The following NDST3 variants were observed in gnomAD, a reference collection of about 807,000 sequenced individuals.
The protein encoded by NDST3 is N-deacetylase and N-sulfotransferase 3, also known as bifunctional heparan sulfate N-deacetylase/N-sulfotransferase 3.
A neutral mutation model predicts 96.1 loss-of-function variants in NDST3; 58 were observed. The ratio of observed to expected loss-of-function variants is 0.60; its 90% CI spans 0.49 to 0.75. NDST3 has a LOEUF of 0.75. Among genes scored for constraint, NDST3 ranks in the 30% least tolerant of loss-of-function variants. NDST3 has a pLI of 0.00. For missense variants in NDST3, 788 were observed against 1,034.2 expected (o/e 0.76, Z 3.27); for synonymous variants, 333 against 359.7 (o/e 0.93, Z 0.84).
chr4:118,190,090 T>G (rs1420494034), intron 6 of NDST3, among the ~76,000 whole-genome samples: 1 of 152,028 alleles, frequency 6.6e-6, no homozygotes, highest in African/African-American at 2.4e-5. Context: ...TATCTTGCTT[T>G]TGTTTATACA....
chr4:118,104,993 A>G, intron 2 of NDST3, 25 bp from the exon 3 acceptor site: 1 of 1,596,930 alleles, frequency 6.3e-7, no homozygotes, highest in East Asian at 2.2e-5. Context: ...TTTACCTGAT[A>G]CATTTTTTAA....
At chr4:118,096,345 A>G (rs1729298540) in intron 2 of NDST3, among the ~76,000 whole-genome samples, 1 of 151,872 alleles carries the variant, frequency 6.6e-6, no homozygotes, top group Non-Finnish European at 1.5e-5. Context: ...GTTCTCTGCA[A>G]GCTCTTGCTT....
In NDST3 at chr4:118,255,813, A is replaced by G; in HGVS notation, c.*101A>G. The G allele has an allele frequency of 7.7e-7, 1 of 1,301,080 alleles. No individual in the cohort carries two copies. Among genetic ancestry groups the G allele is most frequent in the Non-Finnish European group, 1.0e-6 (1 of 966,904 alleles). 80.6% of individuals were successfully genotyped at this position (1,301,080 alleles called of 1,614,324 possible). A position where few individuals can be genotyped will look rare whatever the true frequency, so the allele number is the denominator to read the frequency against. Reference sequence around the variant, plus strand: ...GCAGTTGAAAAATATACCTCTTCAAATGAGAAAAAAGAACAGTTTCTTCCA... The same window carrying G: ...GCAGTTGAAAAATATACCTCTTCAAGTGAGAAAAAAGAACAGTTTCTTCCA... On this transcript the variant is annotated 3_prime_UTR_variant, in exon 14 of 14. Coordinates refer to ENST00000296499, the MANE Select transcript of NDST3 (RefSeq NM_004784.3).
At chr4:118,045,692 G>A (rs1297651220) in intron 1 of NDST3, among the ~76,000 whole-genome samples, 6 of 151,974 alleles carry the variant, frequency 3.9e-5, no homozygotes, top group Admixed American at 1.3e-4. Flanking sequence ...AATGTTATTC[G>A]TGAACTTCAT....
At chr4:118,185,649 G>A (rs571146639) in intron 6 of NDST3, among the ~76,000 whole-genome samples, 1 of 152,214 alleles carries the variant, frequency 6.6e-6, no homozygotes, top group South Asian at 2.1e-4. Context: ...AAGATTTATG[G>A]ACAGAAAAAG....
intron 6 of NDST3, among the ~76,000 whole-genome samples, chr4:118,175,171 T>C (rs1736197958): frequency 6.6e-6 from 1 of 152,084 alleles, no homozygotes; most frequent in South Asian, 2.1e-4. Context: ...CTCACAGAGG[T>C]ACCTAGAGAT....
intron 6 of NDST3, among the ~76,000 whole-genome samples, chr4:118,186,969 A>G (rs1737001847): frequency 1.3e-5 from 2 of 152,218 alleles, no homozygotes; most frequent in African/African-American, 4.8e-5. Context: ...AAAACAGCAC[A>G]TGAGGGAGAC....
chr4:118,046,012 G>A (rs1012064751), intron 1 of NDST3, among the ~76,000 whole-genome samples: 4 of 151,746 alleles, frequency 2.6e-5, no homozygotes, highest in Non-Finnish European at 5.9e-5. Flanking sequence ...CTACTCCCAC[G>A]GAGAAAAACC....
intron 8 of NDST3, among the ~76,000 whole-genome samples, chr4:118,229,728 ATCTC>A (rs957672566): frequency 6.6e-6 from 1 of 152,168 alleles, no homozygotes; most frequent in Non-Finnish European, 1.5e-5. Context: ...AAAGGAATTA[ATCTC>A]TCTGCTTTTT....
intron 10 of NDST3, among the ~76,000 whole-genome samples, 171 bp downstream of exon 10, chr4:118,237,391 C>T (rs1361494961): frequency 1.3e-5 from 2 of 152,122 alleles, no homozygotes; most frequent in East Asian, 1.9e-4. Flanking sequence ...AAATTTCCTC[C>T]ACTAAGTTTT....
intron 12 of NDST3, among the ~76,000 whole-genome samples, chr4:118,243,993 G>GGGCTC: frequency 6.6e-6 from 1 of 152,266 alleles, no homozygotes; most frequent in Admixed American, 6.5e-5. Context: ...ACCTGGTTGG[G>GGGCTC]GGCTCAGTGG....
chr4:118,045,586 C>T (rs1048993690), intron 1 of NDST3, among the ~76,000 whole-genome samples: 20 of 151,968 alleles, frequency 1.3e-4, no homozygotes, highest in African/African-American at 4.6e-4. Context: ...CCATAAATAT[C>T]CTACAATTCT....
At position 118,181,182 on chromosome 4, in the gene NDST3, T is replaced by C. The variant is rs115530891; in HGVS notation, c.1539+37498T>C. Among the ~76,000 whole-genome samples the C allele has an allele frequency of 4.2e-3, 635 of 152,126 alleles. 6 individuals carry two copies. Among genetic ancestry groups the C allele is most frequent in the African/African-American group, 0.015 (614 of 41,508 alleles). On this transcript the variant is annotated intron_variant, in intron 6 of 13. Coordinates refer to ENST00000296499, the MANE Select transcript of NDST3 (RefSeq NM_004784.3). ...TGTTGTTCCTCAAAGGGTATCAGAG[T>C]CACCAGAAGTCTCCTTTAGGTCTCT...
intron 2 of NDST3, among the ~76,000 whole-genome samples, chr4:118,081,539 A>G (rs1045289172): frequency 6.6e-6 from 1 of 152,158 alleles, no homozygotes; most frequent in Non-Finnish European, 1.5e-5. Context: ...GATCCTTCAT[A>G]TGTAACAGGA....
chr4:118,040,088 T>C (rs1358759640), intron 1 of NDST3, among the ~76,000 whole-genome samples: 1 of 152,166 alleles, frequency 6.6e-6, no homozygotes, highest in Non-Finnish European at 1.5e-5. Context: ...AGGATGCACG[T>C]AGGTGATTGT....
Position 118,239,017 on chromosome 4 carries a change from C to T in NDST3, c.2119-1507C>T, listed in dbSNP as rs574929997. Among the ~76,000 whole-genome samples, 13 of 152,250 alleles carry T rather than the reference C, an allele frequency of 8.5e-5. No individual in the cohort carries two copies. The South Asian group carries it at 1.2e-3, about 15-fold the overall frequency. On this transcript the variant is annotated intron_variant, in intron 10 of 13. Coordinates refer to ENST00000296499, the MANE Select transcript of NDST3 (RefSeq NM_004784.3). ...ACTGAGGGTCCTATTTTCTTGGAAA[C>T]AAAAATGTTAAGACAAACGTGGAAT...
intron 1 of NDST3, among the ~76,000 whole-genome samples, chr4:118,040,721 C>T (rs567437736): frequency 6.6e-6 from 1 of 151,522 alleles, no homozygotes; most frequent in African/African-American, 2.4e-5. Flanking sequence ...TTTACTCTGT[C>T]GCCCAGGCTG....
rs568137872 is a variant in NDST3, at chr4:118,041,520, A to C, written c.-156+6928A>C. On this transcript the variant is annotated intron_variant, in intron 1 of 13. Coordinates refer to ENST00000296499, the MANE Select transcript of NDST3 (RefSeq NM_004784.3). The stretch of plus-strand genomic sequence containing the variant: ...TGATCTGTTGATTTTCAAAATTTAA[A>C]ATACAGTTTCCTGATCAGTCAGCAT... Among the ~76,000 whole-genome samples, 217 of 152,290 alleles carry C rather than the reference A, an allele frequency of 1.4e-3. 2 individuals carry two copies. Among genetic ancestry groups the C allele is most frequent in the African/African-American group, 4.9e-3 (204 of 41,558 alleles).
intron 6 of NDST3, among the ~76,000 whole-genome samples, chr4:118,192,069 C>T (rs948171865): frequency 2.0e-5 from 3 of 152,160 alleles, no homozygotes; most frequent in African/African-American, 7.2e-5. Flanking sequence ...TGCCTATTTG[C>T]TGTTTCTATA....
Sources: gnomAD v4.1 joint callset for allele counts (sites outside exome capture counted in the v4.1 genomes callset) on GRCh38, gnomAD v4.1.1 for gene constraint, MANE v1.5 for transcripts, NCBI Gene and HGNC (gene_info 2026-07-23, HGNC 2026-07-21) for gene names.